PTPN13: variants seen among roughly 807,000 people sequenced by gnomAD.
PTPN13 encodes protein tyrosine phosphatase non-receptor type 13, also known as tyrosine-protein phosphatase non-receptor type 13.
PTPN13 carries 191 observed loss-of-function variants against 284.0 expected under a neutral mutation model. That is an observed-to-expected ratio of 0.67 (90% CI 0.60 to 0.76). The LOEUF (loss-of-function observed/expected upper bound fraction) is 0.76, where lower values mean the gene tolerates loss of function less well. PTPN13 is among the 30% of genes least tolerant of loss of function. PTPN13 has a pLI of 0.00. For synonymous variants in PTPN13, 986 were observed against 1,022.3 expected, an observed-to-expected ratio of 0.96 and a Z score of 0.68; for missense variants, 2,797 against 2,939.9, an observed-to-expected ratio of 0.95 and a Z score of 1.12.
At chr4:86,723,426 T>C (rs1733890778) in intron 10 of PTPN13, among the ~76,000 whole-genome samples, 1 of 152,192 alleles carries the variant, frequency 6.6e-6, no homozygotes, top group Non-Finnish European at 1.5e-5. Flanking sequence ...ATCTAATGCC[T>C]GATGATCTGA....
chr4:86,726,449 G>A (rs953507316), intron 10 of PTPN13, among the ~76,000 whole-genome samples: 2 of 149,376 alleles, frequency 1.3e-5, no homozygotes, highest in Admixed American at 6.7e-5. Context: ...TCCTATCCGT[G>A]AGCATGGAAT....
intron 1 of PTPN13, chr4:86,595,850 G>T (rs1484671793): frequency 2.7e-5 from 20 of 729,540 alleles, no homozygotes; most frequent in Non-Finnish European, 3.4e-5. Context: ...AAGGATGGGG[G>T]GGGGAGTAAA....
chr4:86,732,919 G>C (rs1246602232), intron 12 of PTPN13, among the ~76,000 whole-genome samples, 153 bp downstream of exon 12: 1 of 152,036 alleles, frequency 6.6e-6, no homozygotes, highest in Non-Finnish European at 1.5e-5. Flanking sequence ...TCTTCTCCCA[G>C]CTACTTTCAT....
chr4:86,800,855 T>G (rs964701897), intron 42 of PTPN13, among the ~76,000 whole-genome samples: 3 of 152,216 alleles, frequency 2.0e-5, no homozygotes, highest in Admixed American at 6.5e-5. Context: ...TTTAAGTTCC[T>G]GTTGCACTGA....
At chr4:86,596,336 G>T (rs914855495) in intron 1 of PTPN13, among the ~76,000 whole-genome samples, 8 of 152,126 alleles carry the variant, frequency 5.3e-5, no homozygotes, top group Non-Finnish European at 1.0e-4. Flanking sequence ...TGCATGTAAA[G>T]CCTAGTTATA....
At chr4:86,705,161 C>A (rs536343055) in intron 7 of PTPN13, among the ~76,000 whole-genome samples, 2 of 151,902 alleles carry the variant, frequency 1.3e-5, no homozygotes, top group African/African-American at 4.8e-5. Flanking sequence ...CGGTGAAACC[C>A]CATCTCTACT....
At chr4:86,629,921 T>A (rs1722280039) in intron 1 of PTPN13, among the ~76,000 whole-genome samples, 1 of 152,046 alleles carries the variant, frequency 6.6e-6, no homozygotes. Context: ...CATGTTCAGC[T>A]AATTTTTTTA....
intron 1 of PTPN13, among the ~76,000 whole-genome samples, chr4:86,620,278 A>G (rs1302619895): frequency 1.3e-5 from 2 of 152,134 alleles, no homozygotes; most frequent in African/African-American, 2.4e-5. Flanking sequence ...CAATCCTCCC[A>G]CCACAGCCTC....
intron 47 of PTPN13, among the ~76,000 whole-genome samples, chr4:86,813,806 T>C (rs1300083340): frequency 6.6e-6 from 1 of 152,126 alleles, no homozygotes; most frequent in Non-Finnish European, 1.5e-5. Context: ...GAAGAAATTA[T>C]GTAGGAAGGT....
intron 1 of PTPN13, 117 bp from the exon 2 acceptor site, chr4:86,635,135 T>C (rs1018374800): frequency 4.5e-6 from 5 of 1,103,490 alleles, no homozygotes; most frequent in South Asian, 1.7e-5. Context: ...GGTAGCCATA[T>C]TGAGAAATTA....
chr4:86,677,179 A>G (rs1728369287), intron 3 of PTPN13, among the ~76,000 whole-genome samples: 1 of 151,892 alleles, frequency 6.6e-6, no homozygotes, highest in Non-Finnish European at 1.5e-5. Context: ...AGGCAGGAGA[A>G]TGGCGTGAAC....
chr4:86,794,462 G>C (rs1206044838), intron 40 of PTPN13, among the ~76,000 whole-genome samples: 1 of 152,086 alleles, frequency 6.6e-6, no homozygotes, highest in Non-Finnish European at 1.5e-5. Context: ...CGTGAAAATG[G>C]CCATACTGCC....
chr4:86,689,246 A>T, intron 5 of PTPN13, 56 bp downstream of exon 5: 2 of 1,487,764 alleles, frequency 1.3e-6, no homozygotes, highest in East Asian at 4.5e-5. Context: ...AGTAGATATC[A>T]CAAAATTTTC....
rs1383424889 is a variant in PTPN13 at position 86,750,624 on chromosome 4, A to G, written c.2805A>G (p.Leu935=). Residue 935 remains leucine (L), a synonymous_variant, in exon 18 of 48, where the codon CTA becomes CTG. Coordinates refer to ENST00000411767, the MANE Select transcript of PTPN13 (RefSeq NM_080683.3). ...TTCAAGCTGAGATTCTGAAGAGGCTATCCTGCTCAGAGCTGTCGCTTTACC... is the reference window on the plus strand; with the variant it reads ...TTCAAGCTGAGATTCTGAAGAGGCTGTCCTGCTCAGAGCTGTCGCTTTACC... ...LSVQAEILKR[L]SCSELSLYQP... The G allele has an allele frequency of 3.7e-6, 6 of 1,613,984 alleles. No individual in the cohort carries two copies. Among genetic ancestry groups the G allele is most frequent in the South Asian group, 3.3e-5 (3 of 91,086 alleles).
chr4:86,657,877 A>G (rs6847680), intron 2 of PTPN13, among the ~76,000 whole-genome samples: 152,165 of 152,298 alleles, frequency 1, 76,016 homozygotes, highest in Middle Eastern at 1. Flanking sequence ...TCCTCCACAT[A>G]GAAGATGTCT....
Position 86,619,607 on chromosome 4 carries a change from AT to A in PTPN13, c.-5-15644del, listed in dbSNP as rs554105544. Among the ~76,000 whole-genome samples the A allele has an allele frequency of 1.3e-4, 20 of 152,256 alleles. No homozygotes were observed. In the East Asian group the frequency reaches 3.9e-3, roughly 29 times the overall value. On this transcript the variant is annotated intron_variant, in intron 1 of 47. Transcript: ENST00000411767. ...ACTCCTGTCACCATACCACATTTCTATATTTCTAAATGTTTTCTCTAACATC... is the reference window on the plus strand; with the variant it reads ...ACTCCTGTCACCATACCACATTTCTAATTTCTAAATGTTTTCTCTAACATC...
chr4:86,687,518 G>T (rs777618048), intron 4 of PTPN13, among the ~76,000 whole-genome samples: 6 of 151,974 alleles, frequency 3.9e-5, no homozygotes, highest in African/African-American at 7.2e-5. Flanking sequence ...ACTAGGTGTG[G>T]TTTTTTCTTA....
Position 86,803,723 on chromosome 4 carries a change from A to T in PTPN13, c.6520A>T (p.Thr2174Ser). Residue 2174 changes from threonine to serine, a missense_variant, in exon 43 of 48, where the codon ACA (threonine) becomes TCA (serine). Physicochemically the swap from Thr to Ser is moderately conservative, Grantham distance 58. Coordinates refer to ENST00000411767, the MANE Select transcript of PTPN13 (RefSeq NM_080683.3). ...EDSDKDHSFL[T>S]NDELAVLPVV... ...CTTCCTATTAGATCATTCCTTTCTGACAAACGATGAGCTCGCTGTACTCCC... is the reference window on the plus strand; with the variant it reads ...CTTCCTATTAGATCATTCCTTTCTGTCAAACGATGAGCTCGCTGTACTCCC... 2 of 1,613,696 alleles carry T rather than the reference A, an allele frequency of 1.2e-6. No individual in the cohort carries two copies. Among genetic ancestry groups the T allele is most frequent in the Non-Finnish European group, 1.7e-6 (2 of 1,179,694 alleles).
intron 40 of PTPN13, among the ~76,000 whole-genome samples, chr4:86,787,205 A>G (rs570593053): frequency 3.9e-5 from 6 of 152,252 alleles, no homozygotes; most frequent in Admixed American, 1.3e-4. Context: ...GTTTTATGGC[A>G]GAAAACTTCT....
Sources: allele counts gnomAD v4.1 joint callset (sites outside exome capture counted in the v4.1 genomes callset), GRCh38; gene constraint gnomAD v4.1.1; transcripts MANE v1.5; gene names NCBI Gene and HGNC (gene_info 2026-07-23, HGNC 2026-07-21).